The following CENPP variants were observed in gnomAD, a reference collection of about 807,000 sequenced individuals.
CENPP encodes the protein centromere protein P.
In CENPP, 24 loss-of-function variants were observed where a neutral mutation model predicts 35.6. The ratio of observed to expected loss-of-function variants is 0.67; its 90% confidence interval spans 0.49 to 0.95. CENPP has a LOEUF of 0.95. CENPP is among the 40% of genes least tolerant of loss of function. CENPP has a pLI of 0.00. For synonymous variants in CENPP, 120 were observed against 125.5 expected, an observed-to-expected ratio of 0.96 and a Z score of 0.29; for missense variants, 332 against 345.3, an observed-to-expected ratio of 0.96 and a Z score of 0.31.
At chr9:92,440,480 G>T (rs551431978) in intron 5 of CENPP, among the ~76,000 whole-genome samples, 226 of 152,270 alleles carry the variant, frequency 1.5e-3, no homozygotes, top group African/African-American at 4.8e-3. Flanking sequence ...ATGGCTGTGG[G>T]TTGGACAAGC....
At chr9:92,498,666 T>C (rs950647037) in intron 5 of CENPP, among the ~76,000 whole-genome samples, 1 of 152,198 alleles carries the variant, frequency 6.6e-6, no homozygotes, top group Non-Finnish European at 1.5e-5. Flanking sequence ...CCACTGTATT[T>C]CAGCTGTACT....
At chr9:92,421,914 T>C (rs776096918) in intron 5 of CENPP, among the ~76,000 whole-genome samples, 10 of 152,164 alleles carry the variant, frequency 6.6e-5, no homozygotes, top group Non-Finnish European at 1.5e-4. Context: ...GGAAAGTCTT[T>C]TGTAGACATC....
rs117548148 is a variant in CENPP at position 92,467,181 on chromosome 9, G to A, written c.564+87322G>A. Among the ~76,000 whole-genome samples, 898 of 152,282 alleles carry A rather than the reference G, an allele frequency of 5.9e-3. 7 individuals are homozygous for A. The highest frequency in any genetic ancestry group is 0.01 in the Non-Finnish European group (685 of 68,034). ...GGGTATTTCTCAGGGCAATAAGACA[G>A]CATCCTCCAGAGGAGGTCTAATAAC... On this transcript the variant is annotated intron_variant, in intron 5 of 7. Coordinates refer to ENST00000375587, the MANE Select transcript of CENPP (RefSeq NM_001012267.3).
intron 5 of CENPP, among the ~76,000 whole-genome samples, chr9:92,522,231 T>C (rs1414866095): frequency 6.6e-6 from 1 of 151,820 alleles, no homozygotes; most frequent in East Asian, 1.9e-4. Context: ...GGATTACAGG[T>C]ACATGCCACC....
chr9:92,515,330 A>C, intron 5 of CENPP: 1 of 1,227,378 alleles, frequency 8.1e-7, no homozygotes, highest in Non-Finnish European at 1.0e-6. Context: ...TTAAAGATGA[A>C]ATGCACCTTG....
intron 5 of CENPP, among the ~76,000 whole-genome samples, chr9:92,527,155 C>T (rs1848465127): frequency 6.6e-6 from 1 of 152,070 alleles, no homozygotes; most frequent in Admixed American, 6.6e-5. Context: ...ACTACAGACC[C>T]GTGCCACCAT....
intron 5 of CENPP, among the ~76,000 whole-genome samples, chr9:92,589,518 CAAGAA>C (rs1434081853): frequency 6.6e-6 from 1 of 152,014 alleles, no homozygotes; most frequent in Non-Finnish European, 1.5e-5. Flanking sequence ...AACCCTAACC[CAAGAA>C]AAGACATACT....
intron 5 of CENPP, among the ~76,000 whole-genome samples, chr9:92,463,930 T>TG (rs1845207632): frequency 6.6e-6 from 1 of 152,242 alleles, no homozygotes; most frequent in African/African-American, 2.4e-5. Context: ...ACCTCTTGAT[T>TG]AATAATAACA....
chr9:92,566,904 A>T (rs2131347928), intron 5 of CENPP, among the ~76,000 whole-genome samples: 1 of 152,358 alleles, frequency 6.6e-6, no homozygotes, highest in South Asian at 2.1e-4. Context: ...GAATTCAAAG[A>T]TACACCTGTG....
At chr9:92,544,197 T>C (rs1225980305) in intron 5 of CENPP, among the ~76,000 whole-genome samples, 1 of 152,236 alleles carries the variant, frequency 6.6e-6, no homozygotes, top group Non-Finnish European at 1.5e-5. Flanking sequence ...TTTATTGGGC[T>C]GGGCGTGGTG....
chr9:92,529,260 C>G (rs984454985), intron 5 of CENPP, among the ~76,000 whole-genome samples: 7 of 152,128 alleles, frequency 4.6e-5, no homozygotes, highest in African/African-American at 1.7e-4. Flanking sequence ...AATGAGATGC[C>G]TCTACATACC....
At chr9:92,418,536 T>G (rs1356765944) in intron 5 of CENPP, among the ~76,000 whole-genome samples, 1 of 152,164 alleles carries the variant, frequency 6.6e-6, no homozygotes, top group Non-Finnish European at 1.5e-5. Context: ...ATGACATCAG[T>G]CAACTACAGT....
In CENPP at chr9:92,618,233, G is replaced by A; in HGVS notation, c.*5084G>A. 2.2e-6 allele frequency: 1 copy of A among 456,626 alleles called. No individual in the cohort carries two copies. The allele number at this position is 456,626 out of a possible 1,614,324, so 28.3% of individuals were successfully genotyped here. A position where few individuals can be genotyped will look rare whatever the true frequency, so the allele number is the denominator to read the frequency against. ...GGCCTGGCTAGAGTGCTTTGTGCAG[G>A]ATGGTTCCAGTGCCTACACCCTAGG... is the stretch of plus-strand genomic sequence containing the variant. On this transcript the variant is annotated 3_prime_UTR_variant, in exon 8 of 8. Coordinates refer to ENST00000375587, the MANE Select transcript of CENPP (RefSeq NM_001012267.3).
chr9:92,481,190 A>C (rs1401827897), intron 5 of CENPP, among the ~76,000 whole-genome samples: 1 of 152,216 alleles, frequency 6.6e-6, no homozygotes, highest in East Asian at 1.9e-4. Context: ...ACCTCAGATC[A>C]GTTATCAGAA....
At position 92,613,248 on chromosome 9, in the gene CENPP, C is replaced by G. The variant is rs1851326107; in HGVS notation, c.*99C>G. The G allele has an allele frequency of 7.1e-7, 1 of 1,418,178 alleles. No individual in the cohort carries two copies. The highest frequency in any genetic ancestry group is 2.3e-5 in the East Asian group (1 of 43,490). 87.8% of individuals were successfully genotyped at this position (1,418,178 alleles called of 1,614,324 possible). Reference sequence around the variant, plus strand: ...GCTATTTTCTGCTTAGAAACCACACCCTGAAGACGTGCTGTCTATGCAGTT... The same window carrying G: ...GCTATTTTCTGCTTAGAAACCACACGCTGAAGACGTGCTGTCTATGCAGTT... On this transcript the variant is annotated 3_prime_UTR_variant, in exon 8 of 8. Coordinates refer to ENST00000375587, the MANE Select transcript of CENPP (RefSeq NM_001012267.3).
intron 5 of CENPP, among the ~76,000 whole-genome samples, chr9:92,429,781 C>T (rs1183735357): frequency 7.1e-6 from 1 of 141,134 alleles, no homozygotes; most frequent in African/African-American, 2.9e-5. Flanking sequence ...GAACGAAACT[C>T]CGTCTCAAAA....
chr9:92,415,219 T>G (rs904458532), intron 5 of CENPP: 1 of 1,613,950 alleles, frequency 6.2e-7, no homozygotes, highest in Non-Finnish European at 8.5e-7. Context: ...TGGGCTCTCA[T>G]GAGCATTGTC....
At chr9:92,577,573 G>C (rs185351467) in intron 5 of CENPP, among the ~76,000 whole-genome samples, 3 of 152,086 alleles carry the variant, frequency 2.0e-5, no homozygotes, top group African/African-American at 2.4e-5. Flanking sequence ...TTAGAAACAG[G>C]CAAAAAAATA....
At chr9:92,342,524 G>A (rs1031448656) in intron 3 of CENPP, among the ~76,000 whole-genome samples, 1 of 152,228 alleles carries the variant, frequency 6.6e-6, no homozygotes, top group African/African-American at 2.4e-5. Flanking sequence ...TACAGAAAGA[G>A]TGTGTTCTCC....
Sources: allele counts gnomAD v4.1 joint callset (sites outside exome capture counted in the v4.1 genomes callset), GRCh38; gene constraint gnomAD v4.1.1; transcripts MANE v1.5; gene names NCBI Gene and HGNC (gene_info 2026-07-23, HGNC 2026-07-21).